PAX5: variants seen among roughly 807,000 people sequenced by gnomAD.
The protein encoded by PAX5 is paired box protein Pax-5.
Under a neutral mutation model 43.7 loss-of-function variants are expected in PAX5, and 9 were observed. The ratio of observed to expected loss-of-function variants is 0.21; its 90% confidence interval spans 0.12 to 0.36. The LOEUF (loss-of-function observed/expected upper bound fraction) is 0.36. Among genes scored for constraint, PAX5 ranks in the 10% least tolerant of loss-of-function variants. The probability of loss-of-function intolerance (pLI) is 1.00; values close to 1 mark genes in which losing one functional copy is unlikely to be tolerated. For synonymous variants in PAX5, 228 were observed against 214.3 expected, an observed-to-expected ratio of 1.06 and a Z score of -0.56; for missense variants, 383 against 532.7, an observed-to-expected ratio of 0.72 and a Z score of 2.77.
chr9:36,976,587 A>G (rs1835448198), intron 5 of PAX5, among the ~76,000 whole-genome samples: 1 of 152,094 alleles, frequency 6.6e-6, no homozygotes, highest in African/African-American at 2.4e-5. Context: ...GTCATTTTCT[A>G]AATCCTGTCC....
chr9:36,999,235 C>T (rs1170986117), intron 5 of PAX5, among the ~76,000 whole-genome samples: 8 of 152,214 alleles, frequency 5.3e-5, no homozygotes, highest in African/African-American at 1.7e-4. Context: ...CACCAGAGTC[C>T]CAGACTTGGC....
intron 1 of PAX5, 125 bp from the exon 2 acceptor site, chr9:37,020,926 G>T (rs1309232184): frequency 8.5e-6 from 8 of 943,166 alleles, no homozygotes; most frequent in South Asian, 6.7e-5. Context: ...GATGTCTCGC[G>T]CCTGGAGTCC....
chr9:36,986,016 C>T (rs2277144), intron 5 of PAX5, among the ~76,000 whole-genome samples: 53,819 of 151,816 alleles, frequency 0.35, 10,112 homozygotes, highest in East Asian at 0.62. Context: ...GTCCGCCATC[C>T]GAACCGGCCT....
chr9:37,029,580 A>G (rs1436476127), intron 1 of PAX5, among the ~76,000 whole-genome samples: 1 of 152,156 alleles, frequency 6.6e-6, no homozygotes, highest in East Asian at 1.9e-4. Flanking sequence ...ACTGGGATGG[A>G]ATAGACTTCC....
chr9:37,013,006 T>C (rs1284288652), intron 3 of PAX5, among the ~76,000 whole-genome samples: 1 of 152,048 alleles, frequency 6.6e-6, no homozygotes, highest in Non-Finnish European at 1.5e-5. Flanking sequence ...TTCCAGCACT[T>C]TGGGAGGCTG....
rs543118424 is a variant in PAX5 at position 36,834,710 on chromosome 9, C to T, written c.*5850G>A. ...CTGTTCCACTCCAAGGGAAATGCGC[C>T]GTTTGTAAATCAAAAATCCATCATC... On this transcript the variant is annotated 3_prime_UTR_variant, in exon 10 of 10. Coordinates refer to ENST00000358127, the MANE Select transcript of PAX5 (RefSeq NM_016734.3). 1.7e-5 allele frequency: 4 copies of T among 233,122 alleles called. No individual in the cohort carries two copies. Among genetic ancestry groups the T allele is most frequent in the Non-Finnish European group, 2.5e-5 (3 of 118,030 alleles). The allele number at this position is 233,122 out of a possible 1,614,324, so 14.4% of individuals were successfully genotyped here. A position where few individuals can be genotyped will look rare whatever the true frequency, so the allele number is the denominator to read the frequency against.
At chr9:36,900,952 G>A (rs3758160) in intron 7 of PAX5, among the ~76,000 whole-genome samples, 7,439 of 152,056 alleles carry the variant, frequency 0.049, 309 homozygotes, top group Admixed American at 0.097. Context: ...GTTGATGGCC[G>A]CCCACCTGTT....
At chr9:37,033,845 A>C in intron 1 of PAX5, 141 bp downstream of exon 1, 1 of 690,256 alleles carries the variant, frequency 1.4e-6, no homozygotes, top group Non-Finnish European at 2.6e-6. Context: ...TAGGTGAAAA[A>C]ACATAACAAA....
chr9:36,875,553 C>A (rs113003201), intron 8 of PAX5, among the ~76,000 whole-genome samples: 510 of 151,594 alleles, frequency 3.4e-3, no homozygotes, highest in Non-Finnish European at 5.7e-3. Context: ...TGGCCCCCCC[C>A]AAAAATGTCC....
intron 9 of PAX5, 28 bp from the exon 10 acceptor site, chr9:36,840,664 G>A (rs757965870): frequency 1.4e-6 from 2 of 1,466,342 alleles, no homozygotes; most frequent in South Asian, 1.3e-5. Context: ...GAGCACCGAG[G>A]TCAGATCCGG....
chr9:36,970,245 A>G (rs962243084), intron 5 of PAX5, among the ~76,000 whole-genome samples: 5 of 152,304 alleles, frequency 3.3e-5, no homozygotes, highest in African/African-American at 1.2e-4. Flanking sequence ...GAAGTCTCCA[A>G]GAGGAACTGC....
At chr9:37,014,766 AG>A (rs1346290709) in intron 3 of PAX5, among the ~76,000 whole-genome samples, 1 of 152,194 alleles carries the variant, frequency 6.6e-6, no homozygotes, top group African/African-American at 2.4e-5. Flanking sequence ...TCGAGCGGCC[AG>A]GGTGTTGGCA....
In PAX5 at chr9:36,880,014, C is replaced by T. The variant is rs116776430; in HGVS notation, c.1012+1990G>A. ...ACAAGAGTACACACGGAGGCCGTTT[C>T]CCATGTGTCTCATATTTAAAAGTCA... On this transcript the variant is annotated intron_variant, in intron 8 of 9. Coordinates refer to ENST00000358127, the MANE Select transcript of PAX5 (RefSeq NM_016734.3). Among the ~76,000 whole-genome samples the T allele has an allele frequency of 8.2e-3, 1,253 of 152,346 alleles. 15 individuals are homozygous for T. Among genetic ancestry groups the T allele is most frequent in the African/African-American group, 0.029 (1,201 of 41,572 alleles).
chr9:36,949,355 C>T (rs62533677), intron 6 of PAX5, among the ~76,000 whole-genome samples: 41,817 of 152,138 alleles, frequency 0.27, 6,331 homozygotes, highest in Non-Finnish European at 0.34. Flanking sequence ...CCACCGTGCC[C>T]GGCCAACACA....
chr9:36,995,397 G>C (rs1056261231), intron 5 of PAX5, among the ~76,000 whole-genome samples: 3 of 152,210 alleles, frequency 2.0e-5, no homozygotes, highest in Non-Finnish European at 4.4e-5. Flanking sequence ...GGAGGCACAG[G>C]AGGAATGAGC....
At chr9:36,859,477 T>G (rs1823987947) in intron 8 of PAX5, among the ~76,000 whole-genome samples, 1 of 152,070 alleles carries the variant, frequency 6.6e-6, no homozygotes. Flanking sequence ...TCCCTCCCCC[T>G]GCCAGCCTCA....
At chr9:37,023,782 C>A (rs1840056264) in intron 1 of PAX5, among the ~76,000 whole-genome samples, 1 of 152,114 alleles carries the variant, frequency 6.6e-6, no homozygotes. Flanking sequence ...AAAATTTTTC[C>A]TAGATGCACC....
chr9:37,024,657 C>A (rs950967063), intron 1 of PAX5, among the ~76,000 whole-genome samples: 13 of 152,276 alleles, frequency 8.5e-5, no homozygotes, highest in Admixed American at 3.9e-4. Context: ...CACTGTGCTG[C>A]CAGGGAGATT....
chr9:36,858,928 G>T (rs898306660), intron 8 of PAX5, among the ~76,000 whole-genome samples: 4 of 152,144 alleles, frequency 2.6e-5, no homozygotes, highest in Admixed American at 6.5e-5. Flanking sequence ...TACCTTGCTG[G>T]GAAGTCGCAG....
Sources: gnomAD v4.1 joint callset for allele counts (sites outside exome capture counted in the v4.1 genomes callset) on GRCh38, gnomAD v4.1.1 for gene constraint, MANE v1.5 for transcripts, NCBI Gene and HGNC (gene_info 2026-07-23, HGNC 2026-07-21) for gene names.